CPA6: variants seen among roughly 807,000 people sequenced by gnomAD.
CPA6 encodes the protein carboxypeptidase B.
CPA6 carries 58 observed loss-of-function variants against 63.3 expected under a neutral mutation model. That is an observed-to-expected ratio of 0.92 (90% CI 0.74 to 1.14). CPA6 has a LOEUF of 1.14. CPA6 is among the 50% of genes most tolerant of loss of function. The pLI is 0.00. For missense variants in CPA6, 565 were observed against 526.6 expected, an observed-to-expected ratio of 1.07 and a Z score of -0.71; for synonymous variants, 185 against 179.0, an observed-to-expected ratio of 1.03 and a Z score of -0.27.
intron 8 of CPA6, chr8:67,452,224 AG>A (rs1810572639): frequency 6.6e-6 from 1 of 152,236 alleles, no homozygotes; most frequent in Admixed American, 6.5e-5. Context: ...GGCCACAAAA[AG>A]GACAGGCTGG....
chr8:67,508,314 T>C (rs1349663179), intron 5 of CPA6, among the ~76,000 whole-genome samples: 5 of 152,000 alleles, frequency 3.3e-5, no homozygotes, highest in Non-Finnish European at 7.4e-5. Flanking sequence ...GAGAGGAATT[T>C]AGGATGATGT....
chr8:67,731,183 T>C (rs531086749), intron 1 of CPA6, among the ~76,000 whole-genome samples: 1 of 152,354 alleles, frequency 6.6e-6, no homozygotes, highest in South Asian at 2.1e-4. Flanking sequence ...GCTGGGTCCA[T>C]GGTGAGTTAT....
chr8:67,631,875 G>T (rs1457348021), intron 1 of CPA6, among the ~76,000 whole-genome samples: 1 of 151,764 alleles, frequency 6.6e-6, no homozygotes, highest in Admixed American at 6.6e-5. Context: ...CACCGCAAAG[G>T]TCTGCAGCTT....
At chr8:67,591,614 T>C (rs987349622) in intron 2 of CPA6, among the ~76,000 whole-genome samples, 1 of 152,178 alleles carries the variant, frequency 6.6e-6, no homozygotes, top group Non-Finnish European at 1.5e-5. Context: ...CCCTTGTAAG[T>C]TGGATTCCTA....
At chr8:67,677,016 T>C (rs192003692) in intron 1 of CPA6, among the ~76,000 whole-genome samples, 9 of 152,310 alleles carry the variant, frequency 5.9e-5, no homozygotes, top group Admixed American at 3.3e-4. Context: ...GTATGCATGC[T>C]AGCAGGACTA....
intron 1 of CPA6, among the ~76,000 whole-genome samples, chr8:67,692,250 C>A (rs1320961397): frequency 6.7e-6 from 1 of 149,122 alleles, no homozygotes; most frequent in Non-Finnish European, 1.5e-5. Flanking sequence ...GCAGGAGAAT[C>A]GCTTGAATCC....
chr8:67,667,912 G>A (rs1221987574), intron 1 of CPA6, among the ~76,000 whole-genome samples: 3 of 152,186 alleles, frequency 2.0e-5, no homozygotes, highest in African/African-American at 7.2e-5. Flanking sequence ...CAGGCTGCTG[G>A]GCAAAAGCGA....
At chr8:67,622,271 C>T (rs1815100083) in intron 2 of CPA6, among the ~76,000 whole-genome samples, 2 of 152,204 alleles carry the variant, frequency 1.3e-5, no homozygotes, top group African/African-American at 4.8e-5. Flanking sequence ...ACGGAAACTT[C>T]CACTCAAAAC....
At chr8:67,609,378 A>G (rs1814744631) in intron 2 of CPA6, among the ~76,000 whole-genome samples, 2 of 152,206 alleles carry the variant, frequency 1.3e-5, no homozygotes, top group South Asian at 4.1e-4. Flanking sequence ...TTTATGGCTC[A>G]TGTTTCTTAT....
intron 6 of CPA6, among the ~76,000 whole-genome samples, chr8:67,502,557 C>T (rs1442112309): frequency 6.6e-6 from 1 of 152,110 alleles, no homozygotes; most frequent in East Asian, 1.9e-4. Context: ...TTTTCTAGGT[C>T]ATTGAAGGAA....
intron 1 of CPA6, among the ~76,000 whole-genome samples, chr8:67,662,508 A>G (rs937117913): frequency 1.4e-5 from 2 of 146,552 alleles, no homozygotes; most frequent in African/African-American, 5.0e-5. Context: ...GTATATGTAT[A>G]TAATACATAC....
chr8:67,681,170 CT>C (rs1816583545), intron 1 of CPA6, among the ~76,000 whole-genome samples: 1 of 135,182 alleles, frequency 7.4e-6, no homozygotes, highest in African/African-American at 2.9e-5. Flanking sequence ...TGTAAGAAAT[CT>C]TTGCTCAACC....
chr8:67,625,599 A>G (rs1415459494), intron 1 of CPA6, among the ~76,000 whole-genome samples: 2 of 152,262 alleles, frequency 1.3e-5, no homozygotes, highest in African/African-American at 4.8e-5. Context: ...ATGGATTGGC[A>G]TAAAGGAGAT....
chr8:67,507,740 G>A (rs913108303), intron 5 of CPA6, among the ~76,000 whole-genome samples: 7 of 152,164 alleles, frequency 4.6e-5, no homozygotes, highest in South Asian at 2.1e-4. Flanking sequence ...GGGAACATAA[G>A]AGTGTTATGT....
At chr8:67,740,681 T>C (rs949919197) in intron 1 of CPA6, among the ~76,000 whole-genome samples, 1 of 152,142 alleles carries the variant, frequency 6.6e-6, no homozygotes, top group Non-Finnish European at 1.5e-5. Context: ...GTGATTCTCC[T>C]GCCTCAGCCT....
chr8:67,562,167 A>C (rs1813228088), intron 2 of CPA6, among the ~76,000 whole-genome samples: 1 of 152,220 alleles, frequency 6.6e-6, no homozygotes, highest in Non-Finnish European at 1.5e-5. Flanking sequence ...AGAAGCTGCT[A>C]GTTCTTTAGA....
chr8:67,487,267 A>G (rs1247850636), intron 6 of CPA6, among the ~76,000 whole-genome samples: 2 of 152,050 alleles, frequency 1.3e-5, no homozygotes, highest in Non-Finnish European at 2.9e-5. Context: ...AAGTGCTCTC[A>G]TTATTCAATT....
At chr8:67,423,244 C>T (rs988371227) in intron 10 of CPA6, among the ~76,000 whole-genome samples, 1 of 152,164 alleles carries the variant, frequency 6.6e-6, no homozygotes, top group Non-Finnish European at 1.5e-5. Context: ...GCCACCATGC[C>T]CAGCTAATTT....
intron 1 of CPA6, among the ~76,000 whole-genome samples, chr8:67,637,564 T>G (rs1172449703): frequency 1.3e-5 from 2 of 151,522 alleles, no homozygotes; most frequent in African/African-American, 2.5e-5. Flanking sequence ...TATTCAATAT[T>G]TATCCACGTA....
Sources: allele counts gnomAD v4.1 joint callset (sites outside exome capture counted in the v4.1 genomes callset), GRCh38; gene constraint gnomAD v4.1.1; transcripts MANE v1.5; gene names NCBI Gene and HGNC (gene_info 2026-07-23, HGNC 2026-07-21).